Variants in HTR4 observed in about 807,000 individuals in gnomAD.
The protein encoded by HTR4 is 5-hydroxytryptamine receptor 4.
Under a neutral mutation model 36.8 loss-of-function variants are expected in HTR4, and 16 were observed. The ratio of observed to expected loss-of-function variants is 0.43; its 90% CI spans 0.29 to 0.66. The LOEUF (loss-of-function observed/expected upper bound fraction) is 0.66, where lower values mean the gene tolerates loss of function less well. HTR4 is among the 30% of genes least tolerant of loss of function. The pLI is 0.13. For synonymous variants in HTR4, 189 were observed against 185.1 expected, an observed-to-expected ratio of 1.02 and a Z score of -0.17; for missense variants, 438 against 490.9, an observed-to-expected ratio of 0.89 and a Z score of 1.02.
chr5:148,563,664 C>T (rs1429023068), intron 2 of HTR4, among the ~76,000 whole-genome samples: 1 of 152,130 alleles, frequency 6.6e-6, no homozygotes, highest in East Asian at 1.9e-4. Context: ...AAAATAGTGC[C>T]TGTATTGAGC....
intron 6 of HTR4, among the ~76,000 whole-genome samples, chr5:148,488,002 A>C (rs1756244322): frequency 6.6e-6 from 1 of 152,226 alleles, no homozygotes; most frequent in Non-Finnish European, 1.5e-5. Context: ...TGCACAGAGC[A>C]ATGTTTTTTT....
chr5:148,530,536 T>C (rs930068869), intron 4 of HTR4, among the ~76,000 whole-genome samples: 1 of 152,092 alleles, frequency 6.6e-6, no homozygotes, highest in Non-Finnish European at 1.5e-5. Context: ...AGAGGATGTA[T>C]GGAAATGCCT....
At chr5:148,465,991 A>G in intron 5 of HTR4, 5 of 1,579,944 alleles carry the variant, frequency 3.2e-6, no homozygotes, top group Non-Finnish European at 4.3e-6. Context: ...GAAAGAAAAA[A>G]GAAAAAAAAA....
downstream of HTR4, chr5:148,476,770 G>C (rs7733088): frequency 6.2e-7 from 1 of 1,612,538 alleles, no homozygotes; most frequent in East Asian, 2.2e-5. Flanking sequence ...CAAAAAGAAC[G>C]TAATTAATGA....
intron 2 of HTR4, among the ~76,000 whole-genome samples, chr5:148,565,482 T>A (rs961756060): frequency 2.0e-5 from 3 of 152,004 alleles, no homozygotes; most frequent in African/African-American, 7.2e-5. Flanking sequence ...CTGAAACTCA[T>A]AGGAGTGGAG....
At chr5:148,513,990 T>G (rs1757617001) in intron 5 of HTR4, among the ~76,000 whole-genome samples, 1 of 152,202 alleles carries the variant, frequency 6.6e-6, no homozygotes, top group Non-Finnish European at 1.5e-5. Flanking sequence ...AAGTTAGATA[T>G]CAACTAAAAT....
chr5:148,503,157 C>A (rs1050621694), intron 6 of HTR4, among the ~76,000 whole-genome samples: 9 of 152,140 alleles, frequency 5.9e-5, no homozygotes, highest in African/African-American at 2.2e-4. Context: ...CAAAGATACT[C>A]CTCGAGAAGA....
At chr5:148,511,365 T>A (rs1308178180) in intron 5 of HTR4, among the ~76,000 whole-genome samples, 1 of 152,142 alleles carries the variant, frequency 6.6e-6, no homozygotes, top group African/African-American at 2.4e-5. Context: ...CTCATCTACA[T>A]CATCATAATG....
intron 5 of HTR4, among the ~76,000 whole-genome samples, chr5:148,466,114 G>T (rs1755420122): frequency 6.6e-6 from 1 of 152,176 alleles, no homozygotes; most frequent in Non-Finnish European, 1.5e-5. Context: ...ACATGGTTAT[G>T]CCACAGTGTA....
rs376770492 is a variant in HTR4, at chr5:148,583,168, C to T, written c.27-32906G>A. 2.0e-3 allele frequency among the ~76,000 whole-genome samples: 302 copies of T among 150,492 alleles called. 7 individuals carry two copies. The East Asian group carries it at 0.032, about 16-fold the overall frequency. ...AAGGGTTGTTGAATTTTGTCAAAGG[C>T]CTTTTCTGCATCTGTTGAGATAATC... On this transcript the variant is annotated intron_variant, in intron 2 of 6. Transcript: ENST00000377888.
chr5:148,541,379 G>C (rs1057428706), intron 4 of HTR4, among the ~76,000 whole-genome samples: 4 of 152,152 alleles, frequency 2.6e-5, no homozygotes, highest in Non-Finnish European at 5.9e-5. Context: ...AAAAACACAC[G>C]AATAGATAAG....
chr5:148,565,758 A>G (rs1760407896), intron 2 of HTR4, among the ~76,000 whole-genome samples: 1 of 152,182 alleles, frequency 6.6e-6, no homozygotes, highest in South Asian at 2.1e-4. Context: ...TTGCCCAAAG[A>G]TAGACAGACT....
At position 148,487,168 on chromosome 5, in the gene HTR4, GTT is replaced by G. The variant is rs148604419; in HGVS notation, c.1077-3877_1077-3876del. Among the ~76,000 whole-genome samples, 568 of 152,236 alleles carry G rather than the reference GTT, an allele frequency of 3.7e-3. 6 individuals carry two copies. The highest frequency in any genetic ancestry group is 0.011 in the African/African-American group (471 of 41,548). ...AGAAGGTACAGAGTCTTGTTTCCAT[GTT>G]AGAGGAAGAGGAAAGTGTAATGTAG... On this transcript the variant is annotated intron_variant, in intron 6 of 6. Transcript: ENST00000377888.
Position 148,481,769 on chromosome 5 carries a change from AT to A in HTR4, c.*1433del. On this transcript the variant is annotated 3_prime_UTR_variant, in exon 7 of 7. Transcript: ENST00000377888. ...AATCTCACATGGCTCTGGGTTTGGC[AT>A]TTACCTTCCCGGGACTTCTGCTATG... is the stretch of plus-strand genomic sequence containing the variant. 7.1e-7 allele frequency: 1 copy of A among 1,409,648 alleles called. No homozygotes were observed. The highest frequency in any genetic ancestry group is 9.2e-7 in the Non-Finnish European group (1 of 1,090,462). The allele number at this position is 1,409,648 out of a possible 1,614,324, so 87.3% of individuals were successfully genotyped here.
downstream of HTR4, chr5:148,476,617 T>A (rs1365288533): frequency 6.5e-7 from 1 of 1,548,224 alleles, no homozygotes; most frequent in Non-Finnish European, 8.7e-7. Flanking sequence ...ATGAAAAGCT[T>A]CACATTCTTC....
At chr5:148,624,744 A>C (rs1312194526) in intron 2 of HTR4, among the ~76,000 whole-genome samples, 1 of 152,190 alleles carries the variant, frequency 6.6e-6, no homozygotes, top group Admixed American at 6.5e-5. Flanking sequence ...TTTCAGGGGC[A>C]TAGAGTGGAG....
chr5:148,603,391 A>C (rs1221771187), intron 2 of HTR4, among the ~76,000 whole-genome samples: 1 of 152,088 alleles, frequency 6.6e-6, no homozygotes, highest in Non-Finnish European at 1.5e-5. Flanking sequence ...TGTAATCCCA[A>C]AGAACACCTT....
chr5:148,457,864 T>C (rs2113688868), intron 5 of HTR4, among the ~76,000 whole-genome samples: 1 of 139,586 alleles, frequency 7.2e-6, no homozygotes, highest in Non-Finnish European at 1.5e-5. Context: ...ATCATATATT[T>C]TGATATATCA....
At chr5:148,577,184 A>G (rs1760958337) in intron 2 of HTR4, among the ~76,000 whole-genome samples, 1 of 152,154 alleles carries the variant, frequency 6.6e-6, no homozygotes, top group Admixed American at 6.6e-5. Context: ...CCAAAAAAAG[A>G]CATACATGTT....
Sources: gnomAD v4.1 joint callset for allele counts (sites outside exome capture counted in the v4.1 genomes callset) on GRCh38, gnomAD v4.1.1 for gene constraint, MANE v1.5 for transcripts, NCBI Gene and HGNC (gene_info 2026-07-23, HGNC 2026-07-21) for gene names.